KCNU1: variants seen among roughly 807,000 people sequenced by gnomAD.
KCNU1 encodes the protein potassium channel subfamily U member 1.
A neutral mutation model predicts 126.8 loss-of-function variants in KCNU1; 93 were observed. The observed-to-expected ratio is 0.73, with a 90% CI of 0.62 to 0.87. The LOEUF (loss-of-function observed/expected upper bound fraction) is 0.87, where lower values mean the gene tolerates loss of function less well. Ranked by LOEUF, KCNU1 falls within the 40% of genes least tolerant of loss-of-function variation. The pLI, the probability that KCNU1 is intolerant of heterozygous loss-of-function variation, is 0.00. For synonymous variants in KCNU1, 523 were observed against 494.2 expected (o/e 1.06, Z -0.77); for missense variants, 1,330 against 1,367.1 (o/e 0.97, Z 0.43).
chr8:36,799,604 G>A (rs928094618), intron 2 of KCNU1, among the ~76,000 whole-genome samples: 1 of 151,314 alleles, frequency 6.6e-6, no homozygotes, highest in Non-Finnish European at 1.5e-5. Flanking sequence ...GTGCAATCTC[G>A]GCTCTCTGCA....
chr8:36,919,421 A>C (rs1585565843), intron 23 of KCNU1, among the ~76,000 whole-genome samples: 1 of 124,182 alleles, frequency 8.1e-6, no homozygotes, highest in African/African-American at 3.1e-5. Context: ...TACTTTCCTA[A>C]AATAGGCAAA....
chr8:36,912,623 T>C (rs1304963554), intron 22 of KCNU1, among the ~76,000 whole-genome samples: 1 of 152,156 alleles, frequency 6.6e-6, no homozygotes. Flanking sequence ...TGTGTGTGTG[T>C]GCATGTGCAT....
chr8:36,926,018 C>A (rs550637619), intron 24 of KCNU1, among the ~76,000 whole-genome samples: 1 of 152,166 alleles, frequency 6.6e-6, no homozygotes, highest in South Asian at 2.1e-4. Flanking sequence ...GATCTCTAGG[C>A]AATTTATTTA....
At chr8:36,787,566 C>T (rs2130318253) in intron 2 of KCNU1, 141 bp downstream of exon 2, 3 of 614,270 alleles carry the variant, frequency 4.9e-6, no homozygotes, top group East Asian at 7.1e-5. Flanking sequence ...CCTCCCCATC[C>T]CCATCTCCTT....
chr8:36,912,150 T>C (rs189928080), intron 22 of KCNU1, among the ~76,000 whole-genome samples: 7 of 152,318 alleles, frequency 4.6e-5, no homozygotes, highest in African/African-American at 1.7e-4. Flanking sequence ...GCTGTCCCAC[T>C]TTGCATGGCA....
intron 2 of KCNU1, among the ~76,000 whole-genome samples, chr8:36,788,488 TTGGTCTTA>T (rs1802790930): frequency 6.6e-6 from 1 of 152,182 alleles, no homozygotes. Flanking sequence ...CTGCCATCAG[TTGGTCTTA>T]TGGTGGAAGT....
At chr8:36,866,818 C>T (rs1011596369) in intron 19 of KCNU1, among the ~76,000 whole-genome samples, 2 of 152,022 alleles carry the variant, frequency 1.3e-5, no homozygotes, top group Admixed American at 1.3e-4. Context: ...CGTAAAGTGA[C>T]TATAGTTAAT....
At chr8:36,834,717 C>T (rs1376040451) in intron 11 of KCNU1, 69 bp from the exon 12 acceptor site, 7 of 972,276 alleles carry the variant, frequency 7.2e-6, no homozygotes, top group Non-Finnish European at 1.1e-5. Flanking sequence ...TTAGAAAACC[C>T]GAAAGGGGAA....
At chr8:36,849,354 T>G (rs1326186152) in intron 18 of KCNU1, among the ~76,000 whole-genome samples, 2 of 152,178 alleles carry the variant, frequency 1.3e-5, no homozygotes, top group African/African-American at 4.8e-5. Flanking sequence ...TTTGGGAGGC[T>G]GAGGTGGGCC....
intron 19 of KCNU1, among the ~76,000 whole-genome samples, chr8:36,869,868 C>T (rs1487286317): frequency 6.6e-6 from 1 of 152,180 alleles, no homozygotes; most frequent in East Asian, 1.9e-4. Context: ...TTTGCTACCA[C>T]TTTCTTTCAC....
rs796609071 is a variant in KCNU1 at position 36,887,463 on chromosome 8, T to G, written c.2010-18245T>G. On this transcript the variant is annotated intron_variant, in intron 19 of 26. Transcript: ENST00000399881. ...ATTTGTTTTTTTTTGTTTTTTTTTT[T>G]TTTTTTGGAGAAATGAGACATTTAA... 7.3e-5 allele frequency among the ~76,000 whole-genome samples: 11 copies of G among 150,762 alleles called. 1 individual carries two copies. The highest frequency in any genetic ancestry group is 3.4e-3 in the Middle Eastern group (1 of 290).
intron 18 of KCNU1, among the ~76,000 whole-genome samples, chr8:36,848,331 G>A (rs185577609): frequency 2.9e-4 from 44 of 152,246 alleles, no homozygotes; most frequent in African/African-American, 9.9e-4. Context: ...TTTGTTCCCT[G>A]TGCTTTTGAA....
chr8:36,875,808 T>G (rs1806259918), intron 19 of KCNU1, among the ~76,000 whole-genome samples: 1 of 152,194 alleles, frequency 6.6e-6, no homozygotes, highest in Admixed American at 6.5e-5. Context: ...CAGTCAAGCC[T>G]GGTGCCTGGA....
intron 19 of KCNU1, among the ~76,000 whole-genome samples, chr8:36,865,998 T>G (rs1002133404): frequency 1.3e-5 from 2 of 151,344 alleles, no homozygotes; most frequent in African/African-American, 2.4e-5. Context: ...AGGAACAGAG[T>G]GGAATGGTGG....
At chr8:36,840,278 T>C (rs781348362) in intron 14 of KCNU1, among the ~76,000 whole-genome samples, 185 bp from the exon 15 acceptor site, 4 of 152,202 alleles carry the variant, frequency 2.6e-5, no homozygotes, top group Non-Finnish European at 5.9e-5. Flanking sequence ...GTGAAAATAG[T>C]TGAGATGGAG....
chr8:36,791,224 C>A (rs961886313), intron 2 of KCNU1, among the ~76,000 whole-genome samples: 3 of 152,008 alleles, frequency 2.0e-5, no homozygotes, highest in African/African-American at 7.2e-5. Flanking sequence ...TATCAACTAC[C>A]TGCGGAAAAA....
intron 10 of KCNU1, among the ~76,000 whole-genome samples, chr8:36,826,394 G>T (rs1276792210): frequency 6.6e-6 from 1 of 151,904 alleles, no homozygotes; most frequent in African/African-American, 2.4e-5. Context: ...ATTGTTAGTA[G>T]AGATGGGGTT....
chr8:36,860,473 G>T (rs957315898), intron 18 of KCNU1, among the ~76,000 whole-genome samples: 1 of 152,120 alleles, frequency 6.6e-6, no homozygotes, highest in African/African-American at 2.4e-5. Flanking sequence ...TCTTCTTAAT[G>T]GAATTAGATA....
chr8:36,844,376 G>A (rs190570980), intron 16 of KCNU1, among the ~76,000 whole-genome samples: 318 of 143,398 alleles, frequency 2.2e-3, no homozygotes, highest in African/African-American at 8.0e-3. Flanking sequence ...GTGAAACTCC[G>A]TCTCAAAAAA....
Sources: gnomAD v4.1 joint callset for allele counts (sites outside exome capture counted in the v4.1 genomes callset) on GRCh38, gnomAD v4.1.1 for gene constraint, MANE v1.5 for transcripts, NCBI Gene and HGNC (gene_info 2026-07-23, HGNC 2026-07-21) for gene names.